The following CSMD1 variants were observed in gnomAD, a reference collection of about 807,000 sequenced individuals.
The protein encoded by CSMD1 is CUB and Sushi multiple domains 1.
In CSMD1, 213 loss-of-function variants were observed where a neutral mutation model predicts 417.5. The observed-to-expected ratio is 0.51, with a 90% CI of 0.46 to 0.57. The LOEUF is 0.57. CSMD1 is among the 20% of genes least tolerant of loss of function. The probability of loss-of-function intolerance (pLI) is 0.00; values close to 1 mark genes in which losing one functional copy is unlikely to be tolerated. For missense variants in CSMD1, 6,923 were observed against 4,529.7 expected, an observed-to-expected ratio of 1.53 and a Z score of -15.17; for synonymous variants, 2,862 against 1,736.8, an observed-to-expected ratio of 1.65 and a Z score of -16.11.
intron 11 of CSMD1, among the ~76,000 whole-genome samples, chr8:3,477,397 T>C (rs767229287): frequency 2.6e-5 from 4 of 152,224 alleles, no homozygotes; most frequent in African/African-American, 4.8e-5. Context: ...ACGAATGGCA[T>C]AAATTGTTCA....
chr8:3,303,122 T>A (rs1024687887), intron 25 of CSMD1, among the ~76,000 whole-genome samples: 1 of 152,236 alleles, frequency 6.6e-6, no homozygotes, highest in Non-Finnish European at 1.5e-5. Context: ...TCTATAGTGA[T>A]GTTGATAGGA....
chr8:4,780,295 T>C (rs80180207), intron 1 of CSMD1, among the ~76,000 whole-genome samples: 1,547 of 152,334 alleles, frequency 0.01, 11 homozygotes, highest in East Asian at 0.048. Context: ...TGTCTCTGTA[T>C]ACTGCGCTAT....
rs1231856882 is a variant in CSMD1 at position 4,647,487 on chromosome 8, G to A, written c.86-9929C>T. ...TGCTACGTAGGTACGCGTGTGCCATGGTGGTTTGTTACGTAGGTACGCGTG... is the reference window on the plus strand; with the variant it reads ...TGCTACGTAGGTACGCGTGTGCCATAGTGGTTTGTTACGTAGGTACGCGTG... On this transcript the variant is annotated intron_variant, in intron 1 of 69. Transcript: ENST00000635120. Among the ~76,000 whole-genome samples, 6 of 148,350 alleles carry A rather than the reference G, an allele frequency of 4.0e-5. No individual in the cohort carries two copies. The South Asian group carries it at 1.2e-3, about 31-fold the overall frequency.
At chr8:4,816,535 G>A (rs777511012) in intron 1 of CSMD1, among the ~76,000 whole-genome samples, 6 of 152,004 alleles carry the variant, frequency 3.9e-5, no homozygotes, top group Non-Finnish European at 7.4e-5. Context: ...GCCAAATCAC[G>A]GTTTCTTTCT....
At chr8:4,683,560 C>T (rs1328588913) in intron 1 of CSMD1, among the ~76,000 whole-genome samples, 3 of 152,154 alleles carry the variant, frequency 2.0e-5, no homozygotes, top group African/African-American at 4.8e-5. Context: ...GAGGCACGTT[C>T]TATTGTGAAT....
intron 28 of CSMD1, 75 bp downstream of exon 28, chr8:3,223,654 G>A (rs1798334839): frequency 3.4e-6 from 5 of 1,457,252 alleles, no homozygotes; most frequent in East Asian, 2.3e-5. Context: ...GAGACTATGA[G>A]GTCATAAAAG....
At chr8:4,223,650 C>T (rs1237662136) in intron 3 of CSMD1, among the ~76,000 whole-genome samples, 1 of 152,202 alleles carries the variant, frequency 6.6e-6, no homozygotes, top group Admixed American at 6.5e-5. Flanking sequence ...GCGAGTTAAA[C>T]CCCAGTCTGT....
chr8:3,608,858 C>G (rs752098906), intron 8 of CSMD1, among the ~76,000 whole-genome samples: 12 of 152,126 alleles, frequency 7.9e-5, no homozygotes, highest in Non-Finnish European at 1.6e-4. Flanking sequence ...TGACACACCC[C>G]TTGCAGTGAT....
At chr8:4,357,912 A>T (rs1275270011) in intron 3 of CSMD1, among the ~76,000 whole-genome samples, 1 of 152,190 alleles carries the variant, frequency 6.6e-6, no homozygotes, top group Non-Finnish European at 1.5e-5. Context: ...TTTATAAAAA[A>T]TAGAGAATAT....
chr8:4,593,436 C>A (rs536910689), intron 2 of CSMD1, among the ~76,000 whole-genome samples: 1 of 151,934 alleles, frequency 6.6e-6, no homozygotes, highest in African/African-American at 2.4e-5. Context: ...ACTGAAATAC[C>A]CTTAAGCACA....
At chr8:3,496,077 G>C (rs1457803845) in intron 10 of CSMD1, among the ~76,000 whole-genome samples, 1 of 152,116 alleles carries the variant, frequency 6.6e-6, no homozygotes, top group Non-Finnish European at 1.5e-5. Flanking sequence ...TCCCGAAATA[G>C]GCTCCGATGT....
At position 3,035,824 on chromosome 8, in the gene CSMD1, C is replaced by T. The variant is rs915731107; in HGVS notation, c.7661-6311G>A. 9.9e-5 allele frequency among the ~76,000 whole-genome samples: 15 copies of T among 152,200 alleles called. 1 individual carries two copies. The highest frequency in any genetic ancestry group is 6.8e-3 in the Middle Eastern group (2 of 294). On this transcript the variant is annotated intron_variant, in intron 50 of 69. Coordinates refer to ENST00000635120, the MANE Select transcript of CSMD1 (RefSeq NM_033225.6). ...AGACATTGTTCAACTTGCCAGTTTA[C>T]CTTATATTTCTTCTTTTTTATTTTT...
chr8:3,848,332 G>A (rs1038268948), intron 5 of CSMD1, among the ~76,000 whole-genome samples: 3 of 152,226 alleles, frequency 2.0e-5, no homozygotes, highest in East Asian at 1.9e-4. Flanking sequence ...CACATCAAAA[G>A]GAGCAATCTT....
chr8:2,972,859 T>C (rs192304474), intron 57 of CSMD1, among the ~76,000 whole-genome samples: 18 of 152,262 alleles, frequency 1.2e-4, no homozygotes, highest in African/African-American at 2.2e-4. Flanking sequence ...AGATTATCAC[T>C]GGGAGAAGAT....
intron 7 of CSMD1, among the ~76,000 whole-genome samples, chr8:3,677,972 G>A (rs1235622762): frequency 2.0e-5 from 3 of 152,108 alleles, no homozygotes; most frequent in Admixed American, 1.3e-4. Flanking sequence ...ACACTGACTT[G>A]GTGCAGGGAC....
chr8:3,541,347 A>T (rs1043664266), intron 10 of CSMD1, among the ~76,000 whole-genome samples: 1 of 152,136 alleles, frequency 6.6e-6, no homozygotes. Context: ...GGACACAGGG[A>T]AAGGAACAAC....
Position 4,460,623 on chromosome 8 carries a change from G to A in CSMD1, c.303-40558C>T, listed in dbSNP as rs78020199. On this transcript the variant is annotated intron_variant, in intron 2 of 69. Transcript: ENST00000635120. ...TACTAAAATGGGGGAAAAAAAGGTA[G>A]AGAATATTACTATGGACCTTACAGA... Among the ~76,000 whole-genome samples the A allele has an allele frequency of 4.4e-3, 677 of 152,184 alleles. 3 individuals are homozygous for A. The highest frequency in any genetic ancestry group is 0.015 in the African/African-American group (631 of 41,518).
chr8:4,432,458 A>G (rs1250539588), intron 2 of CSMD1, among the ~76,000 whole-genome samples: 1 of 152,178 alleles, frequency 6.6e-6, no homozygotes, highest in East Asian at 1.9e-4. Flanking sequence ...CTAATGACAC[A>G]AAAACTCAAG....
intron 26 of CSMD1, among the ~76,000 whole-genome samples, chr8:3,235,553 C>G (rs536939099): frequency 6.6e-6 from 1 of 152,268 alleles, no homozygotes; most frequent in Admixed American, 6.5e-5. Context: ...AGGCTCAGAG[C>G]TGTACCACAG....
Sources: gnomAD v4.1 joint callset for allele counts (sites outside exome capture counted in the v4.1 genomes callset) on GRCh38, gnomAD v4.1.1 for gene constraint, MANE v1.5 for transcripts, NCBI Gene and HGNC (gene_info 2026-07-23, HGNC 2026-07-21) for gene names.